Variants in MEI4 observed in about 807,000 individuals in gnomAD.
MEI4 encodes meiosis-specific protein MEI4.
A neutral mutation model predicts 31.4 loss-of-function variants in MEI4; 27 were observed. The observed-to-expected ratio is 0.86, with a 90% confidence interval of 0.63 to 1.19. The LOEUF (loss-of-function observed/expected upper bound fraction) is 1.19, where lower values mean the gene tolerates loss of function less well. Among genes scored for constraint, MEI4 ranks in the 50% most tolerant of loss-of-function variants. The pLI, the probability that MEI4 is intolerant of heterozygous loss-of-function variation, is 0.00. For synonymous variants in MEI4, 122 were observed against 145.4 expected, an observed-to-expected ratio of 0.84 and a Z score of 1.16; for missense variants, 329 against 398.9, an observed-to-expected ratio of 0.82 and a Z score of 1.49.
At chr6:77,916,236 T>G (rs796167526) in intron 4 of MEI4, among the ~76,000 whole-genome samples, 8 of 150,652 alleles carry the variant, frequency 5.3e-5, no homozygotes, top group African/African-American at 2.0e-4. Context: ...TATTTTGAAT[T>G]CTTTTTCCAG....
At chr6:77,880,492 A>G (rs1321460230) in intron 4 of MEI4, among the ~76,000 whole-genome samples, 1 of 152,182 alleles carries the variant, frequency 6.6e-6, no homozygotes, top group Non-Finnish European at 1.5e-5. Flanking sequence ...CATTTTGTAT[A>G]AAGAATATGT....
chr6:77,838,668 G>A (rs549886048), intron 4 of MEI4, among the ~76,000 whole-genome samples: 29 of 152,166 alleles, frequency 1.9e-4, no homozygotes, highest in East Asian at 3.9e-4. Flanking sequence ...TTGGGAGGGC[G>A]AGGCGAGTGG....
chr6:77,695,244 C>T (rs1285945404), intron 2 of MEI4, among the ~76,000 whole-genome samples: 17 of 151,910 alleles, frequency 1.1e-4, no homozygotes, highest in African/African-American at 4.1e-4. Context: ...GTTTCTTTTG[C>T]TGTGCAGAAG....
intron 3 of MEI4, among the ~76,000 whole-genome samples, chr6:77,818,800 C>T (rs1358961682): frequency 1.3e-5 from 2 of 152,126 alleles, no homozygotes; most frequent in African/African-American, 2.4e-5. Context: ...AATCATAGCT[C>T]ACTTACTGCA....
chr6:77,884,953 A>G (rs542972764), intron 4 of MEI4, among the ~76,000 whole-genome samples: 2 of 152,156 alleles, frequency 1.3e-5, no homozygotes, highest in African/African-American at 4.8e-5. Flanking sequence ...TAGTATGGTC[A>G]TTTTAACAAG....
At chr6:77,874,856 G>A (rs1430810072) in intron 4 of MEI4, among the ~76,000 whole-genome samples, 1 of 152,154 alleles carries the variant, frequency 6.6e-6, no homozygotes, top group Admixed American at 6.5e-5. Flanking sequence ...TGCATCTATT[G>A]AGATAATCAT....
intron 1 of MEI4, among the ~76,000 whole-genome samples, chr6:77,685,245 G>T (rs1769032890): frequency 6.7e-6 from 1 of 149,682 alleles, no homozygotes; most frequent in African/African-American, 2.4e-5. Flanking sequence ...ATATATTCTG[G>T]CTATCAATTC....
chr6:77,899,691 G>A (rs1562030559), intron 4 of MEI4, among the ~76,000 whole-genome samples: 1 of 152,102 alleles, frequency 6.6e-6, no homozygotes, highest in African/African-American at 2.4e-5. Flanking sequence ...TAGTGGAAGA[G>A]TATCAGCCAT....
At chr6:77,748,672 G>T (rs1392841992) in intron 2 of MEI4, among the ~76,000 whole-genome samples, 1 of 152,206 alleles carries the variant, frequency 6.6e-6, no homozygotes, top group Admixed American at 6.5e-5. Flanking sequence ...GTAAATTTCT[G>T]CAGCTGGCTT....
intron 1 of MEI4, among the ~76,000 whole-genome samples, chr6:77,670,813 T>A (rs1010841546): frequency 1.3e-5 from 2 of 152,152 alleles, no homozygotes; most frequent in Non-Finnish European, 2.9e-5. Context: ...TTTATCACAA[T>A]CTGAAATACA....
chr6:77,796,717 A>G (rs968440266), intron 3 of MEI4, among the ~76,000 whole-genome samples: 2 of 152,218 alleles, frequency 1.3e-5, no homozygotes, highest in African/African-American at 4.8e-5. Context: ...GAGTTTAAAC[A>G]TATCCCTAGT....
chr6:77,737,438 G>A lies in MEI4; in HGVS notation c.233-23692G>A, dbSNP rs77956913. Among the ~76,000 whole-genome samples the A allele has an allele frequency of 5.7e-3, 859 of 152,012 alleles. 5 individuals are homozygous for A. Among genetic ancestry groups the A allele is most frequent in the Non-Finnish European group, 9.1e-3 (617 of 68,018 alleles). On this transcript the variant is annotated intron_variant, in intron 2 of 4. Coordinates refer to ENST00000684080, the MANE Select transcript of MEI4 (RefSeq NM_001322247.2). The stretch of plus-strand genomic sequence containing the variant: ...ATTGAGCTCTTAACAATAAAGGCTC[G>A]GGATATAGCAATAAATCAGGGAGTC...
intron 3 of MEI4, among the ~76,000 whole-genome samples, chr6:77,775,428 TACAA>T (rs1768415835): frequency 6.6e-6 from 1 of 152,098 alleles, no homozygotes; most frequent in South Asian, 2.1e-4. Context: ...AGTGAGAACA[TACAA>T]TGTCTGGTTT....
intron 1 of MEI4, among the ~76,000 whole-genome samples, chr6:77,655,643 A>G (rs1211309764): frequency 6.6e-6 from 1 of 152,176 alleles, no homozygotes; most frequent in Non-Finnish European, 1.5e-5. Context: ...TGTATATACT[A>G]TCCTATTTTC....
At chr6:77,918,864 C>T (rs990714144) in intron 4 of MEI4, among the ~76,000 whole-genome samples, 1 of 152,082 alleles carries the variant, frequency 6.6e-6, no homozygotes, top group East Asian at 1.9e-4. Flanking sequence ...AAAGAGAATG[C>T]TTCCAGTTTT....
intron 2 of MEI4, among the ~76,000 whole-genome samples, chr6:77,735,909 T>C (rs889520112): frequency 6.6e-6 from 1 of 151,952 alleles, no homozygotes; most frequent in African/African-American, 2.4e-5. Context: ...GGTGTCAGTC[T>C]GCCCCTGCTG....
chr6:77,658,714 C>T (rs147589792), intron 1 of MEI4, among the ~76,000 whole-genome samples: 6,590 of 151,892 alleles, frequency 0.043, 481 homozygotes, highest in African/African-American at 0.15. Flanking sequence ...GGCCTGGATA[C>T]GGTTTTGGAT....
At chr6:77,828,358 A>T (rs1366781389) in intron 3 of MEI4, among the ~76,000 whole-genome samples, 3 of 151,664 alleles carry the variant, frequency 2.0e-5, no homozygotes, top group Non-Finnish European at 4.4e-5. Context: ...CCCTCCTGTC[A>T]GATCAGTTGT....
chr6:77,853,365 A>T (rs1013249135), intron 4 of MEI4, among the ~76,000 whole-genome samples: 2 of 152,168 alleles, frequency 1.3e-5, no homozygotes, highest in Non-Finnish European at 2.9e-5. Flanking sequence ...AAGATAAAAA[A>T]CTTTTAAGGA....
Sources: gnomAD v4.1 joint callset for allele counts (sites outside exome capture counted in the v4.1 genomes callset) on GRCh38, gnomAD v4.1.1 for gene constraint, MANE v1.5 for transcripts, NCBI Gene and HGNC (gene_info 2026-07-23, HGNC 2026-07-21) for gene names.